MINK1: variants seen among roughly 807,000 people sequenced by gnomAD.
MINK1 encodes misshapen like kinase 1, also known as misshapen-like kinase 1.
In MINK1, 46 loss-of-function variants were observed where a neutral mutation model predicts 178.4. The observed-to-expected ratio is 0.26, with a 90% CI of 0.20 to 0.33. The LOEUF (loss-of-function observed/expected upper bound fraction) is 0.33. MINK1 is among the 10% of genes least tolerant of loss of function. MINK1 has a pLI of 1.00. For synonymous variants in MINK1, 797 were observed against 709.7 expected (o/e 1.12, Z -1.96); for missense variants, 1,366 against 1,814.9 (o/e 0.75, Z 4.49).
intron 1 of MINK1, among the ~76,000 whole-genome samples, chr17:4,854,418 T>C (rs1912685250): frequency 1.3e-5 from 2 of 152,182 alleles, no homozygotes; most frequent in South Asian, 4.1e-4. Flanking sequence ...AAAATTACCC[T>C]TTGAGAGGAG....
intron 1 of MINK1, among the ~76,000 whole-genome samples, chr17:4,859,788 CAAAAAAAAAAA>C (rs397857604): frequency 2.3e-4 from 12 of 51,888 alleles, no homozygotes; most frequent in African/African-American, 6.4e-4. Flanking sequence ...AACTCCATCT[CAAAAAAAAAAA>C]AAAAAAAAAA....
Position 4,896,795 on chromosome 17 carries a change from G to A in MINK1, c.3897G>A (p.Leu1299=). The A allele has an allele frequency of 1.9e-6, 3 of 1,572,440 alleles. No homozygotes were observed. The highest frequency in any genetic ancestry group is 2.4e-5 in the South Asian group (2 of 83,924). The part of the protein sequence containing the change: ...MHKRAQRLKF[L]CERNDKVFFA... ...AACGAGCTCAGAGGCTCAAGTTCCT[G>A]TGTGAGCGGAATGACAAGGTGGGAG... The change falls in exon 31 of 32, where the codon CTG becomes CTA. Residue 1299 remains leucine (L), a synonymous_variant. Transcript: ENST00000355280. The surrounding 1 kb of genome is among the most constrained non-coding windows in gnomAD (Gnocchi z 4.6).
At chr17:4,840,506 A>G (rs1469127006) in intron 1 of MINK1, among the ~76,000 whole-genome samples, 1 of 150,248 alleles carries the variant, frequency 6.7e-6, no homozygotes, top group Non-Finnish European at 1.5e-5. Flanking sequence ...CTGGGTCTGT[A>G]GTTTAGATGT....
chr17:4,890,029 T>G, intron 13 of MINK1: 2 of 494,010 alleles, frequency 4.0e-6, no homozygotes, highest in Non-Finnish European at 3.6e-6. Context: ...CTGTGCCCTC[T>G]TCTTCCCCAT....
chr17:4,845,189 C>T (rs1373971779), intron 1 of MINK1, among the ~76,000 whole-genome samples: 1 of 152,152 alleles, frequency 6.6e-6, no homozygotes, highest in Non-Finnish European at 1.5e-5. Context: ...CAACCCCCCT[C>T]CCAGCTCTAA....
chr17:4,850,417 G>C (rs1911753915), intron 1 of MINK1, among the ~76,000 whole-genome samples: 1 of 152,008 alleles, frequency 6.6e-6, no homozygotes, highest in Admixed American at 6.6e-5. Context: ...TCCTGGGTTG[G>C]TCCTTGGTGG....
rs1047437193 is a variant in MINK1, at chr17:4,890,158, T to TGCC, written c.1348-358_1348-356dup. The TGCC allele has an allele frequency of 8.3e-6, 6 of 726,288 alleles. No individual in the cohort carries two copies. In the African/African-American group the frequency reaches 1.1e-4, roughly 13 times the overall value. The allele number at this position is 726,288 out of a possible 1,614,324, so 45.0% of individuals were successfully genotyped here. A position where few individuals can be genotyped will look rare whatever the true frequency, so the allele number is the denominator to read the frequency against. On this transcript the variant is annotated intron_variant, in intron 13 of 31. Coordinates refer to ENST00000355280, the MANE Select transcript of MINK1 (RefSeq NM_153827.5). ...TCCTCCTTCTCCAACTCGCTGCTGC[T>TGCC]GCCCTCCTCTGCCTCTTCCTCCTTC... is the stretch of plus-strand genomic sequence containing the variant.
At position 4,878,328 on chromosome 17, in the gene MINK1, G is replaced by T; in HGVS notation, c.69G>T (p.Gly23=). ...TCTCCTGCCCCTAGGACCCTGCTGG[G>T]ATCTTTGAGCTTGTGGAGGTGGTCG... The part of the protein sequence containing the change: ...IDLSALRDPA[G]IFELVEVVGN... Residue 23 remains glycine (G), a synonymous_variant, in exon 2 of 32, where the codon GGG becomes GGT. Coordinates refer to ENST00000355280, the MANE Select transcript of MINK1 (RefSeq NM_153827.5). 6.5e-7 allele frequency: 1 copy of T among 1,537,602 alleles called. No individual in the cohort carries two copies. Among genetic ancestry groups the T allele is most frequent in the South Asian group, 1.2e-5 (1 of 84,094 alleles).
At chr17:4,841,130 T>TG (rs1345788991) in intron 1 of MINK1, among the ~76,000 whole-genome samples, 1 of 152,080 alleles carries the variant, frequency 6.6e-6, no homozygotes, top group Non-Finnish European at 1.5e-5. Context: ...TGGTCACAAC[T>TG]GGGGGCCCCA....
intron 2 of MINK1, among the ~76,000 whole-genome samples, chr17:4,880,615 T>G (rs1967605596): frequency 6.9e-6 from 1 of 144,608 alleles, no homozygotes; most frequent in Admixed American, 6.8e-5. Context: ...TAGAAAACAG[T>G]CGGGCCGGGC....
intron 1 of MINK1, among the ~76,000 whole-genome samples, chr17:4,843,806 C>T (rs750185851): frequency 7.9e-5 from 12 of 152,090 alleles, no homozygotes; most frequent in Admixed American, 1.3e-4. Flanking sequence ...TGAGGTTGGA[C>T]AGCCAGTAAG....
chr17:4,870,177 G>A (rs2150941937), intron 1 of MINK1, among the ~76,000 whole-genome samples: 1 of 150,428 alleles, frequency 6.6e-6, no homozygotes, highest in South Asian at 2.1e-4. Flanking sequence ...CTCCCAAAGT[G>A]CTGGGATTAC....
At chr17:4,879,666 T>G (rs1967521802) in intron 2 of MINK1, among the ~76,000 whole-genome samples, 2 of 152,210 alleles carry the variant, frequency 1.3e-5, no homozygotes. Context: ...TCTCCAAGCC[T>G]TAGATGCTCC....
chr17:4,855,559 G>A (rs965028972), intron 1 of MINK1, among the ~76,000 whole-genome samples: 13 of 149,604 alleles, frequency 8.7e-5, no homozygotes, highest in South Asian at 8.4e-4. Flanking sequence ...GAGGCGGGCG[G>A]ATCATGAGGT....
At position 4,833,813 on chromosome 17, in the gene MINK1, C is replaced by T. The variant is rs536862896; in HGVS notation, c.57+173C>T. On this transcript the variant is annotated intron_variant, in intron 1 of 31. Coordinates refer to ENST00000355280, the MANE Select transcript of MINK1 (RefSeq NM_153827.5). The surrounding 1 kb of genome is among the most constrained non-coding windows in gnomAD (Gnocchi z 4.8). ...GCCGCGGCTGGGCCCCCGCCCTCTG[C>T]TCCCTTCTCTCTCCACTGGCTGCAG... Among the ~76,000 whole-genome samples the T allele has an allele frequency of 1.9e-3, 287 of 152,328 alleles. 1 individual carries two copies. Among genetic ancestry groups the T allele is most frequent in the African/African-American group, 6.7e-3 (277 of 41,578 alleles).
At chr17:4,862,463 A>G (rs994260527) in intron 1 of MINK1, among the ~76,000 whole-genome samples, 1 of 152,152 alleles carries the variant, frequency 6.6e-6, no homozygotes, top group Admixed American at 6.5e-5. Flanking sequence ...AAGACCAGCC[A>G]GGCCAACATG....
chr17:4,871,857 A>T (rs919074782), intron 1 of MINK1, among the ~76,000 whole-genome samples: 3 of 152,044 alleles, frequency 2.0e-5, no homozygotes, highest in African/African-American at 7.2e-5. Flanking sequence ...CCTTTTCTAG[A>T]TGGGGTAGGG....
At position 4,895,472 on chromosome 17, in the gene MINK1, A is replaced by G; in HGVS notation, c.3208A>G (p.Asn1070Asp). The G allele has an allele frequency of 6.3e-7, 1 of 1,591,954 alleles. No homozygotes were observed. ...GCAGATGGATGTGCTGGAGGGGCTC[A>G]ACCTGCTCATCACCATCTCAGGTAC... ...FQQMDVLEGL[N>D]LLITISGKRN... Residue 1070 changes from asparagine to aspartate, a missense_variant, in exon 26 of 32, where the codon AAC becomes GAC. Coordinates refer to ENST00000355280, the MANE Select transcript of MINK1 (RefSeq NM_153827.5). This position sits in a 1 kb window ranked among gnomAD's most constrained non-coding sequence, Gnocchi z 4.3.
At chr17:4,864,652 G>A (rs138292190) in intron 1 of MINK1, among the ~76,000 whole-genome samples, 4,686 of 151,760 alleles carry the variant, frequency 0.031, 121 homozygotes, top group Middle Eastern at 0.11. Flanking sequence ...TTGAACCCGG[G>A]AGATAGATGT....
Sources: allele counts gnomAD v4.1 joint callset (sites outside exome capture counted in the v4.1 genomes callset), GRCh38; gene constraint gnomAD v4.1.1; non-coding constraint Gnocchi (gnomAD v3.1); transcripts MANE v1.5; gene names NCBI Gene and HGNC (gene_info 2026-07-23, HGNC 2026-07-21).